Variants in REEP3 observed in about 807,000 individuals in gnomAD.
The protein encoded by REEP3 is receptor accessory protein 3, also known as receptor expression-enhancing protein 3.
REEP3 carries 20 observed loss-of-function variants against 41.3 expected under a neutral mutation model. That is an observed-to-expected ratio of 0.48 (90% CI 0.34 to 0.70). The LOEUF is 0.70. Ranked by LOEUF, REEP3 falls within the 30% of genes least tolerant of loss-of-function variation. The probability of loss-of-function intolerance (pLI) is 0.01; values close to 1 mark genes in which losing one functional copy is unlikely to be tolerated. For synonymous variants in REEP3, 104 were observed against 101.8 expected (o/e 1.02, Z -0.13); for missense variants, 271 against 308.8 (o/e 0.88, Z 0.92).
chr10:63,578,700 A>G (rs925031194), intron 2 of REEP3, among the ~76,000 whole-genome samples: 6 of 152,114 alleles, frequency 3.9e-5, no homozygotes, highest in East Asian at 1.9e-4. Flanking sequence ...TCGCTCAAGC[A>G]TAGCAGTTCA....
At chr10:63,543,327 G>A (rs12414796) in intron 1 of REEP3, among the ~76,000 whole-genome samples, 21,033 of 151,974 alleles carry the variant, frequency 0.14, 2,041 homozygotes, top group East Asian at 0.29. Context: ...ACAGGGTCTC[G>A]CTGTGTTGCC....
At chr10:63,552,907 C>T (rs1955642753) in intron 1 of REEP3, among the ~76,000 whole-genome samples, 1 of 152,028 alleles carries the variant, frequency 6.6e-6, no homozygotes, top group Admixed American at 6.6e-5. Context: ...TCAGGTTGTC[C>T]CAGATAGAAA....
chr10:63,537,383 T>C (rs771924861), intron 1 of REEP3, among the ~76,000 whole-genome samples: 2 of 152,100 alleles, frequency 1.3e-5, no homozygotes, highest in African/African-American at 2.4e-5. Flanking sequence ...GAAAAGACAA[T>C]AATGATAAAT....
intron 2 of REEP3, among the ~76,000 whole-genome samples, chr10:63,583,348 A>T (rs2133391099): frequency 6.6e-6 from 1 of 152,228 alleles, no homozygotes; most frequent in South Asian, 2.1e-4. Context: ...TGGTCCTACT[A>T]TTATAAGGGC....
intron 2 of REEP3, among the ~76,000 whole-genome samples, chr10:63,585,539 T>C (rs536882270): frequency 6.6e-6 from 1 of 152,102 alleles, no homozygotes; most frequent in Non-Finnish European, 1.5e-5. Context: ...CATGAAAGCT[T>C]TGTGGGTGTA....
At chr10:63,563,226 C>T (rs1254304974) in intron 1 of REEP3, among the ~76,000 whole-genome samples, 1 of 152,156 alleles carries the variant, frequency 6.6e-6, no homozygotes, top group Non-Finnish European at 1.5e-5. Context: ...AGTATGCATG[C>T]ATTTCTGTAA....
rs1215885051 is a variant in REEP3 at position 63,623,753 on chromosome 10, ATATG to A, written c.*2886_*2889del. The A allele has an allele frequency of 1.8e-3, 200 of 110,270 alleles. No homozygotes were observed. Among genetic ancestry groups the A allele is most frequent in the African/African-American group, 6.7e-3 (194 of 28,938 alleles). The allele number at this position is 110,270 out of a possible 1,614,324, so 6.8% of individuals were successfully genotyped here. A position where few individuals can be genotyped will look rare whatever the true frequency, so the allele number is the denominator to read the frequency against. On this transcript the variant is annotated 3_prime_UTR_variant, in exon 8 of 8. Coordinates refer to ENST00000373758, the MANE Select transcript of REEP3 (RefSeq NM_001001330.3). The stretch of plus-strand genomic sequence containing the variant: ...ATCCCCCTCACATACTTCACAATAT[ATATG>A]TGTGTGTGTGTGTGTGTGTGTGTGT...
intron 2 of REEP3, among the ~76,000 whole-genome samples, chr10:63,567,341 C>T (rs939468177): frequency 3.3e-5 from 5 of 152,012 alleles, no homozygotes; most frequent in Non-Finnish European, 7.4e-5. Context: ...CCAAATAAAA[C>T]CCTGTGCCCA....
intron 1 of REEP3, among the ~76,000 whole-genome samples, chr10:63,539,372 A>G (rs563778075): frequency 1.4e-4 from 22 of 152,338 alleles, no homozygotes; most frequent in African/African-American, 5.0e-4. Flanking sequence ...GGGGTAATTT[A>G]AAATTATAGC....
At position 63,592,416 on chromosome 10, in the gene REEP3, G is replaced by A. The variant is rs190873592; in HGVS notation, c.106-2362G>A. 2.9e-3 allele frequency among the ~76,000 whole-genome samples: 446 copies of A among 152,260 alleles called. 2 individuals carry two copies. The highest frequency in any genetic ancestry group is 5.1e-3 in the Non-Finnish European group (345 of 68,014). Reference sequence around the variant, plus strand: ...AGACTCAGCCAGAACAGTTTCTCTTGTAATGTATTTACAGGGTTTTTTGTT... The same window carrying A: ...AGACTCAGCCAGAACAGTTTCTCTTATAATGTATTTACAGGGTTTTTTGTT... On this transcript the variant is annotated intron_variant, in intron 2 of 7. Transcript: ENST00000373758.
At chr10:63,582,203 T>C (rs1955961269) in intron 2 of REEP3, among the ~76,000 whole-genome samples, 3 of 152,240 alleles carry the variant, frequency 2.0e-5, no homozygotes, top group Non-Finnish European at 4.4e-5. Context: ...TCCAACAGGC[T>C]TCCAGGTGAT....
intron 2 of REEP3, among the ~76,000 whole-genome samples, chr10:63,574,972 T>G (rs1022809513): frequency 1.4e-5 from 2 of 144,154 alleles, no homozygotes; most frequent in Non-Finnish European, 3.0e-5. Context: ...TTCTCCTGCC[T>G]CAGTCTCCCA....
chr10:63,618,521 A>G (rs1956329869), intron 6 of REEP3, among the ~76,000 whole-genome samples: 2 of 152,084 alleles, frequency 1.3e-5, no homozygotes, highest in African/African-American at 4.8e-5. Context: ...TGCTGGGATT[A>G]CAGGCGTGAG....
chr10:63,589,220 C>T (rs1421528568), intron 2 of REEP3, among the ~76,000 whole-genome samples: 3 of 152,168 alleles, frequency 2.0e-5, no homozygotes, highest in African/African-American at 4.8e-5. Context: ...ATAATCCAGA[C>T]AGGAGGTGAT....
At chr10:63,525,649 C>T (rs1955356435) in intron 1 of REEP3, among the ~76,000 whole-genome samples, 1 of 152,064 alleles carries the variant, frequency 6.6e-6, no homozygotes, top group Non-Finnish European at 1.5e-5. Flanking sequence ...GAACTCCTGA[C>T]CTCAGGTGAT....
At chr10:63,587,924 CT>C (rs1956022588) in intron 2 of REEP3, among the ~76,000 whole-genome samples, 1 of 152,208 alleles carries the variant, frequency 6.6e-6, no homozygotes, top group African/African-American at 2.4e-5. Flanking sequence ...TTGTCCTAGA[CT>C]TTTCATACTT....
chr10:63,601,523 C>A (rs1337994935), intron 5 of REEP3, among the ~76,000 whole-genome samples: 1 of 152,136 alleles, frequency 6.6e-6, no homozygotes, highest in African/African-American at 2.4e-5. Context: ...CAAAGTGCAG[C>A]CAGCCAAAAC....
At chr10:63,609,074 A>G (rs1401255750) in intron 5 of REEP3, among the ~76,000 whole-genome samples, 2 of 152,172 alleles carry the variant, frequency 1.3e-5, no homozygotes, top group South Asian at 4.1e-4. Context: ...TGGCTCTTAC[A>G]TGTTTCTAAC....
At chr10:63,583,725 G>A (rs544312434) in intron 2 of REEP3, among the ~76,000 whole-genome samples, 22 of 152,254 alleles carry the variant, frequency 1.4e-4, no homozygotes, top group Admixed American at 1.4e-3. Flanking sequence ...TTTTTCCCAT[G>A]CTAAAATCCC....
Sources: allele counts gnomAD v4.1 joint callset (sites outside exome capture counted in the v4.1 genomes callset), GRCh38; gene constraint gnomAD v4.1.1; transcripts MANE v1.5; gene names NCBI Gene and HGNC (gene_info 2026-07-23, HGNC 2026-07-21).